ARID1B: variants seen among roughly 807,000 people sequenced by gnomAD.
The protein encoded by ARID1B is AT-rich interactive domain-containing protein 1B.
ARID1B carries 30 observed loss-of-function variants against 212.3 expected under a neutral mutation model. The observed-to-expected ratio is 0.14, with a 90% CI of 0.11 to 0.19. The LOEUF (loss-of-function observed/expected upper bound fraction) is 0.19. Ranked by LOEUF, ARID1B falls within the 10% of genes least tolerant of loss-of-function variation. ARID1B has a pLI of 1.00. For missense variants in ARID1B, 2,891 were observed against 3,204.0 expected (o/e 0.90, Z 2.36); for synonymous variants, 1,402 against 1,301.7 (o/e 1.08, Z -1.66).
chr6:156,824,351 T>TG (rs1291620512), intron 1 of ARID1B, among the ~76,000 whole-genome samples: 1 of 152,214 alleles, frequency 6.6e-6, no homozygotes, highest in African/African-American at 2.4e-5. Context: ...AATGAAAACA[T>TG]GCTCGGACAA....
chr6:157,167,405 A>G (rs1174505387), intron 9 of ARID1B: 8 of 443,494 alleles, frequency 1.8e-5, no homozygotes, highest in Non-Finnish European at 3.1e-5. Context: ...CTGTGTTTGT[A>G]TAACAAGTGG....
intron 4 of ARID1B, among the ~76,000 whole-genome samples, chr6:156,993,441 T>TA (rs542422568): frequency 2.0e-5 from 3 of 152,352 alleles, no homozygotes; most frequent in South Asian, 4.1e-4. Context: ...GCTAGCTCAG[T>TA]ATGGTGATTC....
At chr6:156,828,062 CTTTTTT>C (rs538099082) in intron 1 of ARID1B, among the ~76,000 whole-genome samples, 1 of 123,782 alleles carries the variant, frequency 8.1e-6, no homozygotes, top group Non-Finnish European at 1.7e-5. Context: ...TGCCCGGCCT[CTTTTTT>C]TTTTTTTTTT....
intron 4 of ARID1B, among the ~76,000 whole-genome samples, chr6:156,977,639 A>G (rs1178414429): frequency 1.3e-5 from 2 of 152,110 alleles, no homozygotes; most frequent in Admixed American, 6.5e-5. Context: ...TGTTCTGTGT[A>G]CATTTCAATT....
chr6:157,117,187 A>T (rs1265740604), intron 6 of ARID1B, among the ~76,000 whole-genome samples: 1 of 152,190 alleles, frequency 6.6e-6, no homozygotes, highest in Non-Finnish European at 1.5e-5. Context: ...CTTTTTGCGT[A>T]CTACTACAAA....
At position 157,145,524 on chromosome 6, in the gene ARID1B, A is replaced by G. The variant is rs151048412; in HGVS notation, c.2762-3100A>G. Among the ~76,000 whole-genome samples the G allele has an allele frequency of 4.8e-3, 731 of 152,324 alleles. 3 individuals carry two copies. The highest frequency in any genetic ancestry group is 0.017 in the Middle Eastern group (5 of 294). ...CCCGGACAGCCAAATGAAAATGCAC[A>G]CAGTGGCTCTCACAGAGATCAGACG... On this transcript the variant is annotated intron_variant, in intron 7 of 19. Coordinates refer to ENST00000636930, the MANE Select transcript of ARID1B (RefSeq NM_001374828.1).
chr6:157,133,265 T>A (rs1039615002), intron 7 of ARID1B, 58 bp downstream of exon 7: 1 of 1,481,466 alleles, frequency 6.8e-7, no homozygotes, highest in Non-Finnish European at 9.0e-7. Context: ...TTTCTTAATG[T>A]GCTAGTCCTT....
At chr6:156,985,772 T>G (rs536927214) in intron 4 of ARID1B, 3 of 152,356 alleles carry the variant, frequency 2.0e-5, no homozygotes, top group Non-Finnish European at 4.4e-5. Flanking sequence ...TGCACATTGC[T>G]ACAAAACACA....
intron 1 of ARID1B, among the ~76,000 whole-genome samples, chr6:156,781,435 T>TA: frequency 6.6e-6 from 1 of 152,290 alleles, no homozygotes; most frequent in African/African-American, 2.4e-5. Context: ...TATGAAAGTT[T>TA]AAAAAATCCT....
At chr6:156,966,247 C>T (rs1446536638) in intron 4 of ARID1B, among the ~76,000 whole-genome samples, 2 of 152,014 alleles carry the variant, frequency 1.3e-5, no homozygotes, top group African/African-American at 4.8e-5. Flanking sequence ...TATCGCAGTC[C>T]TCATATATAA....
At chr6:157,056,624 T>C (rs2128393554) in intron 4 of ARID1B, among the ~76,000 whole-genome samples, 1 of 152,318 alleles carries the variant, frequency 6.6e-6, no homozygotes, top group Middle Eastern at 3.4e-3. Flanking sequence ...TATGATCTCA[T>C]GAATCTTCAT....
chr6:157,131,591 T>C (rs1457467310), intron 6 of ARID1B, among the ~76,000 whole-genome samples: 3 of 152,102 alleles, frequency 2.0e-5, no homozygotes, highest in Non-Finnish European at 4.4e-5. Context: ...GAAATGGGGC[T>C]GAAGGGAGAA....
chr6:157,111,736 A>G (rs535142857), intron 6 of ARID1B, among the ~76,000 whole-genome samples: 1 of 152,322 alleles, frequency 6.6e-6, no homozygotes, highest in African/African-American at 2.4e-5. Flanking sequence ...AATGTTTCAG[A>G]GGGATAAAAT....
chr6:156,805,295 G>A (rs1010499131), intron 1 of ARID1B, among the ~76,000 whole-genome samples: 1 of 152,194 alleles, frequency 6.6e-6, no homozygotes, highest in Admixed American at 6.5e-5. Context: ...TGTAGTGAGG[G>A]AATGAGACAG....
At chr6:157,115,086 T>C (rs966918856) in intron 6 of ARID1B, among the ~76,000 whole-genome samples, 8 of 152,210 alleles carry the variant, frequency 5.3e-5, no homozygotes, top group African/African-American at 1.7e-4. Flanking sequence ...CAGTCCTTTG[T>C]AAACCTGCAG....
intron 1 of ARID1B, among the ~76,000 whole-genome samples, chr6:156,825,070 GC>G (rs889033330): frequency 1.3e-5 from 2 of 152,230 alleles, no homozygotes; most frequent in Admixed American, 1.3e-4. Context: ...TCACCGTGTT[GC>G]TCAGGCTGGT....
chr6:156,823,593 G>A (rs758942652), intron 1 of ARID1B, among the ~76,000 whole-genome samples: 4 of 151,956 alleles, frequency 2.6e-5, no homozygotes, highest in Non-Finnish European at 5.9e-5. Flanking sequence ...TCAAAAGAGG[G>A]AAGAGTTTTC....
intron 5 of ARID1B, among the ~76,000 whole-genome samples, chr6:157,109,371 C>T (rs566297049): frequency 6.6e-6 from 1 of 152,278 alleles, no homozygotes; most frequent in South Asian, 2.1e-4. Context: ...TTAGCCTGAT[C>T]CAGCCGGGGT....
intron 4 of ARID1B, among the ~76,000 whole-genome samples, chr6:156,997,195 G>A (rs1366535814): frequency 2.0e-5 from 3 of 152,156 alleles, no homozygotes; most frequent in African/African-American, 7.2e-5. Flanking sequence ...TGTTACATTA[G>A]TTATTTGTAT....
Sources: gnomAD v4.1 joint callset for allele counts (sites outside exome capture counted in the v4.1 genomes callset) on GRCh38, gnomAD v4.1.1 for gene constraint, MANE v1.5 for transcripts, NCBI Gene and HGNC (gene_info 2026-07-23, HGNC 2026-07-21) for gene names.